The following CDH13 variants were observed in gnomAD, a reference collection of about 807,000 sequenced individuals.
CDH13 encodes cadherin-13.
Under a neutral mutation model 63.8 loss-of-function variants are expected in CDH13, and 24 were observed. The observed-to-expected ratio is 0.38, with a 90% CI of 0.27 to 0.53. The LOEUF (loss-of-function observed/expected upper bound fraction) is 0.53. Ranked by LOEUF, CDH13 falls within the 20% of genes least tolerant of loss-of-function variation. The pLI, the probability that CDH13 is intolerant of heterozygous loss-of-function variation, is 0.85. For missense variants in CDH13, 1,049 were observed against 903.1 expected, an observed-to-expected ratio of 1.16 and a Z score of -2.07; for synonymous variants, 503 against 355.3, an observed-to-expected ratio of 1.42 and a Z score of -4.67.
intron 1 of CDH13, among the ~76,000 whole-genome samples, chr16:82,832,609 A>C (rs1052065599): frequency 1.6e-4 from 25 of 152,202 alleles, no homozygotes; most frequent in Non-Finnish European, 7.3e-5. Context: ...AGCAAAAAAA[A>C]AAAAATGAAT....
intron 6 of CDH13, among the ~76,000 whole-genome samples, chr16:83,396,118 A>G (rs1434203179): frequency 1.3e-5 from 2 of 152,182 alleles, no homozygotes; most frequent in African/African-American, 4.8e-5. Context: ...TGCAAAGGAC[A>G]TGATCTTATT....
In CDH13 at chr16:83,564,658, C is replaced by G. The variant is rs2075762647; in HGVS notation, c.961-37796C>G. Among the ~76,000 whole-genome samples, 3 of 152,294 alleles carry G rather than the reference C, an allele frequency of 2.0e-5. No individual in the cohort carries two copies. The South Asian group carries it at 6.2e-4, about 32-fold the overall frequency. ...TCCTGACCTCAGGTGATCCACCTCC[C>G]TCGGCCTCCCAAAGTGCTGAGATTA... On this transcript the variant is annotated intron_variant, in intron 7 of 13. Transcript: ENST00000567109.
intron 5 of CDH13, among the ~76,000 whole-genome samples, chr16:83,315,970 G>C (rs74034114): frequency 6.6e-6 from 1 of 152,070 alleles, no homozygotes; most frequent in Non-Finnish European, 1.5e-5. Context: ...CAAATTACTG[G>C]GTAATTTATA....
At chr16:83,705,570 C>T (rs1598524798) in intron 10 of CDH13, among the ~76,000 whole-genome samples, 1 of 152,042 alleles carries the variant, frequency 6.6e-6, no homozygotes, top group South Asian at 2.1e-4. Context: ...TGCAGTGAGC[C>T]GAGATCACGC....
At chr16:83,667,543 G>C (rs1244311043) in intron 8 of CDH13, among the ~76,000 whole-genome samples, 1 of 152,048 alleles carries the variant, frequency 6.6e-6, no homozygotes, top group Non-Finnish European at 1.5e-5. Context: ...GTTTACTAAG[G>C]ATCAGGGCTG....
At chr16:82,821,075 T>A (rs1008107664) in intron 1 of CDH13, among the ~76,000 whole-genome samples, 2 of 152,172 alleles carry the variant, frequency 1.3e-5, no homozygotes, top group African/African-American at 4.8e-5. Context: ...CAGAGAGGGA[T>A]GGGCTCCTGT....
chr16:83,176,551 C>G (rs2038133690), intron 4 of CDH13, among the ~76,000 whole-genome samples: 1 of 145,908 alleles, frequency 6.9e-6, no homozygotes, highest in African/African-American at 2.5e-5. Context: ...GTGCATTAAT[C>G]TGTTCTATAG....
intron 4 of CDH13, among the ~76,000 whole-genome samples, chr16:83,215,915 TTGAGGGTAA>T (rs1298418952): frequency 5.9e-5 from 9 of 152,308 alleles, no homozygotes; most frequent in Middle Eastern, 6.8e-3. Flanking sequence ...AGATGAATAC[TTGAGGGTAA>T]ACTCTAGATT....
At chr16:82,708,439 T>C (rs1029318129) in intron 1 of CDH13, among the ~76,000 whole-genome samples, 9 of 152,130 alleles carry the variant, frequency 5.9e-5, no homozygotes, top group Non-Finnish European at 1.3e-4. Context: ...TCCTTCGTGC[T>C]TCTCTAGCTC....
chr16:83,048,558 T>C (rs911818956), intron 3 of CDH13, among the ~76,000 whole-genome samples: 2 of 152,146 alleles, frequency 1.3e-5, no homozygotes, highest in Non-Finnish European at 2.9e-5. Flanking sequence ...GTGCCTACAG[T>C]TTTCTGTAGC....
intron 8 of CDH13, among the ~76,000 whole-genome samples, chr16:83,624,569 C>T (rs1484949583): frequency 6.6e-6 from 1 of 152,108 alleles, no homozygotes; most frequent in Non-Finnish European, 1.5e-5. Flanking sequence ...GAATCTAATG[C>T]CACCACTGAT....
rs1244056366 is a variant in CDH13, at chr16:83,270,998, A to T, written c.636+53501A>T. Among the ~76,000 whole-genome samples the T allele has an allele frequency of 2.1e-5, 3 of 141,746 alleles. No individual in the cohort carries two copies. In the East Asian group the frequency reaches 6.2e-4, roughly 29 times the overall value. 93.0% of individuals were successfully genotyped at this position (141,746 alleles called of 152,430 possible). Reference sequence around the variant, plus strand: ...CCTTCCCTTCTTTTCTCCCTCTCTCATTCCCTTCCTCCCCCTCACTCTAAG... The same window carrying T: ...CCTTCCCTTCTTTTCTCCCTCTCTCTTTCCCTTCCTCCCCCTCACTCTAAG... On this transcript the variant is annotated intron_variant, in intron 5 of 13. Coordinates refer to ENST00000567109, the MANE Select transcript of CDH13 (RefSeq NM_001257.5).
At chr16:83,155,685 G>T (rs980718959) in intron 4 of CDH13, among the ~76,000 whole-genome samples, 3 of 152,164 alleles carry the variant, frequency 2.0e-5, no homozygotes. Context: ...GCTAGATATG[G>T]AAGAGATATA....
chr16:83,324,736 T>C (rs1013333657), intron 5 of CDH13, among the ~76,000 whole-genome samples: 5 of 152,252 alleles, frequency 3.3e-5, no homozygotes, highest in Admixed American at 2.6e-4. Flanking sequence ...TGGGGACACA[T>C]GTTTTTATTT....
intron 1 of CDH13, among the ~76,000 whole-genome samples, chr16:82,692,003 C>G (rs893349010): frequency 2.0e-5 from 3 of 152,144 alleles, no homozygotes; most frequent in Admixed American, 2.0e-4. Context: ...GTCTATCTTC[C>G]CTTCAATTAT....
intron 13 of CDH13, among the ~76,000 whole-genome samples, chr16:83,787,857 C>T (rs1308091206): frequency 3.3e-5 from 5 of 152,112 alleles, no homozygotes; most frequent in African/African-American, 1.2e-4. Context: ...GCAGGAGAAT[C>T]GCTTGAACCT....
rs752440697 is a variant in CDH13, at chr16:83,387,310, A to C, written c.781+42304A>C. 5.1e-4 allele frequency among the ~76,000 whole-genome samples: 78 copies of C among 152,154 alleles called. 1 individual carries two copies. Among genetic ancestry groups the C allele is most frequent in the Admixed American group, 3.3e-4 (5 of 15,282 alleles). On this transcript the variant is annotated intron_variant, in intron 6 of 13. Transcript: ENST00000567109. ...AAGAAGGCTTAAGATGTGAACTGGA[A>C]AGTTCTTATTCTCCACTGAGAACTA...
At chr16:82,818,068 A>C (rs142313661) in intron 1 of CDH13, among the ~76,000 whole-genome samples, 1 of 151,752 alleles carries the variant, frequency 6.6e-6, no homozygotes, top group Non-Finnish European at 1.5e-5. Context: ...TATACGCACA[A>C]TGCACACATG....
chr16:83,117,187 C>G (rs79444136), intron 3 of CDH13, among the ~76,000 whole-genome samples: 5 of 152,226 alleles, frequency 3.3e-5, no homozygotes, highest in African/African-American at 1.2e-4. Flanking sequence ...ACTCCTCATG[C>G]GGAGTAAAAG....
Sources: allele counts gnomAD v4.1 joint callset (sites outside exome capture counted in the v4.1 genomes callset), GRCh38; gene constraint gnomAD v4.1.1; transcripts MANE v1.5; gene names NCBI Gene and HGNC (gene_info 2026-07-23, HGNC 2026-07-21).